The following RIMBP2 variants were observed in gnomAD, a reference collection of about 807,000 sequenced individuals.
RIMBP2 encodes the protein RIMS-binding protein 2.
A neutral mutation model predicts 118.6 loss-of-function variants in RIMBP2; 48 were observed. That is an observed-to-expected ratio of 0.40 (90% CI 0.32 to 0.51). The LOEUF is 0.51. Ranked by LOEUF, RIMBP2 falls within the 20% of genes least tolerant of loss-of-function variation. The pLI is 0.41. For missense variants in RIMBP2, 1,551 were observed against 1,768.3 expected (o/e 0.88, Z 2.20); for synonymous variants, 762 against 742.9 (o/e 1.03, Z -0.42).
intron 1 of RIMBP2, among the ~76,000 whole-genome samples, chr12:130,668,928 G>A (rs767238884): frequency 1.1e-4 from 17 of 152,350 alleles, no homozygotes; most frequent in African/African-American, 1.9e-4. Flanking sequence ...CCTGTACAGC[G>A]TTAGCAGGGC....
At chr12:130,439,501 G>A (rs1041149000) in intron 11 of RIMBP2, among the ~76,000 whole-genome samples, 1 of 148,236 alleles carries the variant, frequency 6.7e-6, no homozygotes, top group Non-Finnish European at 1.5e-5. Context: ...GTGTGTGCGT[G>A]TCTGTGGGTG....
chr12:130,401,643 T>A (rs535262690), intron 21 of RIMBP2, among the ~76,000 whole-genome samples: 1 of 152,030 alleles, frequency 6.6e-6, no homozygotes, highest in South Asian at 2.1e-4. Context: ...TCTGTTGACA[T>A]TACAGACTAT....
chr12:130,584,531 AC>A (rs1349160171), intron 2 of RIMBP2, among the ~76,000 whole-genome samples: 1 of 147,454 alleles, frequency 6.8e-6, no homozygotes, highest in African/African-American at 2.5e-5. Context: ...TCACCTCATC[AC>A]CACCATCACC....
At position 130,634,205 on chromosome 12, in the gene RIMBP2, A is replaced by G. The variant is rs76200240; in HGVS notation, c.-351-5749T>C. 5.6e-3 allele frequency among the ~76,000 whole-genome samples: 852 copies of G among 152,264 alleles called. 8 individuals carry two copies. The highest frequency in any genetic ancestry group is 0.02 in the African/African-American group (813 of 41,534). On this transcript the variant is annotated intron_variant, in intron 1 of 22. Coordinates refer to ENST00000690449, the MANE Select transcript of RIMBP2 (RefSeq NM_001393629.1). ...CCCTGATCAACTCTCCTGGAGATGC[A>G]TGACACAGAATTACATATCCTTGGG... is the stretch of plus-strand genomic sequence containing the variant.
intron 2 of RIMBP2, among the ~76,000 whole-genome samples, chr12:130,531,632 T>C (rs1053986253): frequency 1.8e-4 from 27 of 152,372 alleles, no homozygotes; most frequent in African/African-American, 6.5e-4. Flanking sequence ...AGAACATTCT[T>C]GAGCACGTTT....
intron 2 of RIMBP2, among the ~76,000 whole-genome samples, chr12:130,619,802 A>G (rs2061187536): frequency 6.6e-6 from 1 of 152,138 alleles, no homozygotes; most frequent in Admixed American, 6.5e-5. Context: ...GTGGATATCT[A>G]TCAGCGGCAA....
chr12:130,611,562 G>T (rs188260254), intron 2 of RIMBP2, among the ~76,000 whole-genome samples: 5 of 152,310 alleles, frequency 3.3e-5, no homozygotes, highest in Non-Finnish European at 7.3e-5. Context: ...GCGGCGACGC[G>T]TCTCCTGCGG....
chr12:130,560,043 C>A (rs1033546618), intron 2 of RIMBP2, among the ~76,000 whole-genome samples: 4 of 152,202 alleles, frequency 2.6e-5, no homozygotes, highest in Non-Finnish European at 5.9e-5. Context: ...GACAGCTGGT[C>A]AGCGGCAGAG....
chr12:130,486,522 G>A (rs2082497735), intron 4 of RIMBP2, among the ~76,000 whole-genome samples: 1 of 141,480 alleles, frequency 7.1e-6, no homozygotes, highest in Non-Finnish European at 1.5e-5. Flanking sequence ...TGGATGTACA[G>A]GAGGAAGCTC....
At chr12:130,413,400 C>T (rs35193059) in intron 18 of RIMBP2, among the ~76,000 whole-genome samples, 4 of 151,796 alleles carry the variant, frequency 2.6e-5, no homozygotes, top group Non-Finnish European at 5.9e-5. Context: ...GAGGCCAAGG[C>T]GGGCAGATCA....
At chr12:130,644,220 C>G (rs2062749177) in intron 1 of RIMBP2, among the ~76,000 whole-genome samples, 1 of 152,168 alleles carries the variant, frequency 6.6e-6, no homozygotes, top group Non-Finnish European at 1.5e-5. Flanking sequence ...GCCTCGAACT[C>G]ACTCACACAC....
intron 1 of RIMBP2, among the ~76,000 whole-genome samples, chr12:130,685,435 G>A (rs1171076056): frequency 6.6e-6 from 1 of 152,226 alleles, no homozygotes; most frequent in African/African-American, 2.4e-5. Flanking sequence ...ATCGGAGACA[G>A]TATGTCCCTT....
In RIMBP2 at chr12:130,534,224, G is replaced by T. The variant is rs560733163; in HGVS notation, c.-216-16307C>A. On this transcript the variant is annotated intron_variant, in intron 2 of 22. Coordinates refer to ENST00000690449, the MANE Select transcript of RIMBP2 (RefSeq NM_001393629.1). ...TGATAGACACTGGAACCTTAGAAGG[G>T]TGGTGGGAGGGAGTGGGAGGTGGTG... Among the ~76,000 whole-genome samples the T allele has an allele frequency of 3.4e-3, 504 of 147,046 alleles. 3 individuals carry two copies. The highest frequency in any genetic ancestry group is 0.011 in the African/African-American group (443 of 39,744).
At chr12:130,673,967 A>AAG (rs1161891623) in intron 1 of RIMBP2, among the ~76,000 whole-genome samples, 7 of 150,734 alleles carry the variant, frequency 4.6e-5, no homozygotes, top group Non-Finnish European at 1.0e-4. Context: ...AAAAAAAAAA[A>AAG]ATTAGCCAGG....
chr12:130,460,209 G>A (rs1877975), intron 6 of RIMBP2, among the ~76,000 whole-genome samples: 134,359 of 152,144 alleles, frequency 0.88, 61,707 homozygotes, highest in East Asian at 1. Context: ...CCTCTCCCAC[G>A]GGGAACCCTC....
chr12:130,535,783 A>G (rs1327410028), intron 2 of RIMBP2, among the ~76,000 whole-genome samples: 4 of 122,014 alleles, frequency 3.3e-5, no homozygotes, highest in African/African-American at 5.9e-5. Context: ...ATATATATAT[A>G]CACATATTTT....
intron 1 of RIMBP2, among the ~76,000 whole-genome samples, chr12:130,714,065 C>A (rs1950154977): frequency 6.6e-6 from 1 of 152,216 alleles, no homozygotes; most frequent in African/African-American, 2.4e-5. Context: ...AGGATGCCAG[C>A]GCTCACCAAC....
intron 2 of RIMBP2, among the ~76,000 whole-genome samples, chr12:130,591,956 C>T (rs982160381): frequency 2.6e-5 from 4 of 152,288 alleles, no homozygotes; most frequent in South Asian, 2.1e-4. Flanking sequence ...CTGCCCCAGC[C>T]GAGCCACGTC....
intron 4 of RIMBP2, among the ~76,000 whole-genome samples, chr12:130,498,369 G>A (rs1305691979): frequency 2.6e-5 from 4 of 152,234 alleles, no homozygotes; most frequent in South Asian, 2.1e-4. Context: ...TATTTATCGA[G>A]TGTCTACTAT....
Sources: allele counts gnomAD v4.1 joint callset (sites outside exome capture counted in the v4.1 genomes callset), GRCh38; gene constraint gnomAD v4.1.1; transcripts MANE v1.5; gene names NCBI Gene and HGNC (gene_info 2026-07-23, HGNC 2026-07-21).